ITFG2: variants seen among roughly 807,000 people sequenced by gnomAD.
ITFG2 encodes KICSTOR complex protein ITFG2.
A neutral mutation model predicts 54.4 loss-of-function variants in ITFG2; 36 were observed. That is an observed-to-expected ratio of 0.66 (90% confidence interval 0.51 to 0.87). ITFG2 has a LOEUF of 0.87. ITFG2 is among the 40% of genes least tolerant of loss of function. The pLI is 0.00. For synonymous variants in ITFG2, 211 were observed against 225.4 expected (o/e 0.94, Z 0.57); for missense variants, 524 against 576.7 (o/e 0.91, Z 0.94).
At chr12:2,821,513 C>T in intron 7 of ITFG2, 30 bp from the exon 8 acceptor site, 1 of 1,613,390 alleles carries the variant, frequency 6.2e-7, no homozygotes, top group Non-Finnish European at 8.5e-7. Flanking sequence ...TTGCCCTGCC[C>T]TTTACATATT....
chr12:2,828,267 G>T, downstream of ITFG2: 2 of 1,404,236 alleles, frequency 1.4e-6, no homozygotes, highest in Non-Finnish European at 2.0e-6. Flanking sequence ...TCTAATTTGA[G>T]AATATTTTCA....
At chr12:2,828,774 G>A (rs148372926), downstream of ITFG2, among the ~76,000 whole-genome samples, 321 of 152,238 alleles carry the variant, frequency 2.1e-3, 1 homozygote, top group African/African-American at 7.5e-3. Flanking sequence ...CCCGAGAGGC[G>A]GAGGTTGTGG....
At chr12:2,833,096 C>T (rs577028723), upstream of ITFG2, among the ~76,000 whole-genome samples, 100 of 152,122 alleles carry the variant, frequency 6.6e-4, no homozygotes, top group Non-Finnish European at 1.3e-3. Flanking sequence ...CCTTTGCTCC[C>T]AGAGCCATAG....
chr12:2,828,548 CT>C, downstream of ITFG2: 2 of 744,428 alleles, frequency 2.7e-6, no homozygotes, highest in Admixed American at 2.7e-5. Context: ...TTAAAACTGG[CT>C]TTTATCGGGG....
In ITFG2 at chr12:2,821,279, G is replaced by A. The variant is rs200582816; in HGVS notation, c.713G>A (p.Arg238Gln). 60 of 1,608,226 alleles carry A rather than the reference G, an allele frequency of 3.7e-5. No homozygotes were observed. The highest frequency in any genetic ancestry group is 4.6e-5 in the Non-Finnish European group (54 of 1,177,300). Residue 238 changes from arginine (R) to glutamine (Q), a missense_variant, in exon 7 of 12, where the codon CGA becomes CAA. Coordinates refer to ENST00000228799, the MANE Select transcript of ITFG2 (RefSeq NM_018463.4). ...TDGSRETPAA[R>Q]DVVLHQTSGR... Reference sequence around the variant, plus strand: ...GTGCACAGGGAGACCCCAGCTGCCCGAGACGTGGTGCTGCACCAGACATCT... The same window carrying A: ...GTGCACAGGGAGACCCCAGCTGCCCAAGACGTGGTGCTGCACCAGACATCT...
intron 4 of ITFG2, 96 bp from the exon 5 acceptor site, chr12:2,819,990 G>A: frequency 6.8e-7 from 1 of 1,467,382 alleles, no homozygotes; most frequent in Non-Finnish European, 9.1e-7. Flanking sequence ...CGCAGATCGG[G>A]TGTGAAGCCG....
At chr12:2,854,612 C>T (rs1171886342) in intron 2 of ITFG2, among the ~76,000 whole-genome samples, 2 of 152,204 alleles carry the variant, frequency 1.3e-5, no homozygotes, top group Non-Finnish European at 2.9e-5. Flanking sequence ...CTTTGCAAAG[C>T]TCCTTGAGGG....
rs144394015 is a variant in ITFG2 at position 2,821,571 on chromosome 12, C to A, written c.822C>A (p.Gly274=). ...ACGGCACTGAGAGTAGTGGCTCTGG[C>A]CTCTTTGCCCTGTGCACCCTGGATG... ...QGHGTESSGS[G]LFALCTLDGT... is the part of the protein sequence containing the mutation. The change falls in exon 8 of 12, where the codon GGC becomes GGA. Residue 274 remains glycine (G), a synonymous_variant. Transcript: ENST00000228799. The A allele has an allele frequency of 6.2e-7, 1 of 1,614,224 alleles. No homozygotes were observed. The highest frequency in any genetic ancestry group is 8.5e-7 in the Non-Finnish European group (1 of 1,180,046).
At chr12:2,835,894 T>C (rs2153926678), upstream of ITFG2, among the ~76,000 whole-genome samples, 1 of 152,368 alleles carries the variant, frequency 6.6e-6, no homozygotes, top group African/African-American at 2.4e-5. Context: ...TTTATTCTTC[T>C]GCAATCTGCT....
At position 2,830,856 on chromosome 12, in the gene ITFG2, G is replaced by T. The variant is rs1024353851; in HGVS notation, c.*82G>T. On this transcript the variant is annotated 3_prime_UTR_variant and NMD_transcript_variant, in exon 3 of 3. Coordinates refer to the ITFG2 transcript ENST00000538822. ...CAGGCGTCTTTGGATCACACTGCGCGGCTGCTGGCTCCATCACAAAACAAT... is the reference window on the plus strand; with the variant it reads ...CAGGCGTCTTTGGATCACACTGCGCTGCTGCTGGCTCCATCACAAAACAAT... 3.7e-6 allele frequency: 6 copies of T among 1,611,984 alleles called. No individual in the cohort carries two copies. The African/African-American group carries it at 8.0e-5, about 22-fold the overall frequency.
chr12:2,849,150 G>T, intron 2 of ITFG2: 2 of 1,399,300 alleles, frequency 1.4e-6, no homozygotes, highest in African/African-American at 1.4e-5. Context: ...CTACCCCAGG[G>T]CCTCTTGCTG....
chr12:2,835,270 C>T (rs548743460), upstream of ITFG2: 77 of 946,758 alleles, frequency 8.1e-5, no homozygotes, highest in African/African-American at 4.7e-4. Flanking sequence ...TGCGAGGAAG[C>T]GCTTGTCACT....
At chr12:2,834,854 G>A (rs1425419694), upstream of ITFG2, 2 of 1,613,648 alleles carry the variant, frequency 1.2e-6, no homozygotes, top group African/African-American at 2.7e-5. Flanking sequence ...GGAGGAGTGG[G>A]CCAGGGGCTG....
intron 2 of ITFG2, among the ~76,000 whole-genome samples, chr12:2,853,337 G>A (rs1284213579): frequency 4.6e-5 from 7 of 151,890 alleles, no homozygotes; most frequent in Admixed American, 3.9e-4. Flanking sequence ...GTGCAGTGGC[G>A]TGTTGGCTCA....
chr12:2,816,188 G>A (rs1398822737), intron 1 of ITFG2, among the ~76,000 whole-genome samples: 4 of 151,670 alleles, frequency 2.6e-5, no homozygotes, highest in African/African-American at 9.7e-5. Context: ...GTACCACCAC[G>A]CTCAGCTAAT....
At position 2,824,938 on chromosome 12, in the gene ITFG2, T is replaced by C. The variant is rs570818538; in HGVS notation, c.*745T>C. The C allele has an allele frequency of 1.8e-4, 28 of 152,260 alleles. No homozygotes were observed. Among genetic ancestry groups the C allele is most frequent in the African/African-American group, 6.5e-4 (27 of 41,396 alleles). 9.4% of individuals were successfully genotyped at this position (152,260 alleles called of 1,614,324 possible). ...ACAATCAGAATTATATCTTGGGTCA[T>C]TTATGTGCCGTCTGTTCTTGATTCT... On this transcript the variant is annotated 3_prime_UTR_variant, in exon 12 of 12. Transcript: ENST00000228799.
At chr12:2,852,246 G>A (rs1409887901) in intron 2 of ITFG2, among the ~76,000 whole-genome samples, 1 of 152,164 alleles carries the variant, frequency 6.6e-6, no homozygotes, top group African/African-American at 2.4e-5. Context: ...TGTGAGACAA[G>A]GATCCTACTG....
Position 2,823,785 on chromosome 12 carries a change from AAG to A in ITFG2, c.1085_1086del (p.Glu362GlyfsTer54). 1.3e-6 allele frequency: 2 copies of A among 1,572,278 alleles called. No individual in the cohort carries two copies. The highest frequency in any genetic ancestry group is 2.3e-5 in the East Asian group (1 of 44,434). On this transcript the variant is annotated frameshift_variant, in exon 11 of 12. Coordinates refer to ENST00000228799, the MANE Select transcript of ITFG2 (RefSeq NM_018463.4). LOFTEE classifies it high-confidence loss of function. The stretch of plus-strand genomic sequence containing the variant: ...CATCTTCCAGGCCTGTACGCCTGCA[AAG>A]AGGGCCGCAACAGCCCCTGCCTCGT...
chr12:2,858,349 A>G, intron 3 of ITFG2: 1 of 395,740 alleles, frequency 2.5e-6, no homozygotes, highest in Non-Finnish European at 4.6e-6. Context: ...ACTGCTGGGC[A>G]GAGAATGGAA....
Sources: gnomAD v4.1 joint callset for allele counts (sites outside exome capture counted in the v4.1 genomes callset) on GRCh38, gnomAD v4.1.1 for gene constraint, MANE v1.5 for transcripts, NCBI Gene and HGNC (gene_info 2026-07-23, HGNC 2026-07-21) for gene names.